Variants in DNAJA1 observed in about 807,000 individuals in gnomAD.
DNAJA1 encodes the protein dnaJ homolog subfamily A member 1.
DNAJA1 carries 26 observed loss-of-function variants against 47.6 expected under a neutral mutation model. That is an observed-to-expected ratio of 0.55 (90% confidence interval 0.40 to 0.76). DNAJA1 has a LOEUF of 0.76. DNAJA1 is among the 30% of genes least tolerant of loss of function. The pLI is 0.00. For missense variants in DNAJA1, 315 were observed against 485.0 expected, an observed-to-expected ratio of 0.65 and a Z score of 3.29; for synonymous variants, 165 against 158.4, an observed-to-expected ratio of 1.04 and a Z score of -0.31.
chr9:33,030,994 T>C lies in DNAJA1; in HGVS notation c.643+327T>C, dbSNP rs910286676. Among the ~76,000 whole-genome samples the C allele has an allele frequency of 2.0e-4, 31 of 152,224 alleles. 1 individual carries two copies. Among genetic ancestry groups the C allele is most frequent in the Non-Finnish European group, 7.3e-5 (5 of 68,044 alleles). ...ATAGTTCTTCCATCTTTTAAAACAT[T>C]AGAATTGTACACATTCTTAATTAGG... On this transcript the variant is annotated intron_variant, in intron 5 of 8. Coordinates refer to ENST00000330899, the MANE Select transcript of DNAJA1 (RefSeq NM_001539.4).
chr9:33,031,057 T>C (rs1243132815), intron 5 of DNAJA1, among the ~76,000 whole-genome samples: 1 of 152,176 alleles, frequency 6.6e-6, no homozygotes, highest in Non-Finnish European at 1.5e-5. Context: ...TTTTAAGGAT[T>C]TGAAAGGGGA....
chr9:33,031,123 TC>T (rs1838955020), intron 5 of DNAJA1, among the ~76,000 whole-genome samples: 1 of 152,208 alleles, frequency 6.6e-6, no homozygotes, highest in Non-Finnish European at 1.5e-5. Context: ...AGACGGAGTT[TC>T]GCTCTTGTTT....
chr9:33,026,605 G>T lies in DNAJA1; in HGVS notation c.121G>T (p.Glu41Ter). Reference sequence around the variant, plus strand: ...GTACCATCCTGATAAGAACCCAAATGAAGGAGAGAAGGTGAATAGTATCTA... The same window carrying T: ...GTACCATCCTGATAAGAACCCAAATTAAGGAGAGAAGGTGAATAGTATCTA... ...LKYHPDKNPN[E>*]GEKFKQISQA... Residue 41 changes from glutamate to a stop codon, truncating the protein, a stop_gained, in exon 2 of 9, where the codon GAA becomes TAA. Transcript: ENST00000330899. LOFTEE classifies it high-confidence loss of function. 1.2e-6 allele frequency: 2 copies of T among 1,603,540 alleles called. No individual in the cohort carries two copies. Among genetic ancestry groups the T allele is most frequent in the South Asian group, 2.3e-5 (2 of 88,440 alleles).
chr9:33,031,025 C>T (rs902427897), intron 5 of DNAJA1, among the ~76,000 whole-genome samples: 1 of 152,166 alleles, frequency 6.6e-6, no homozygotes, highest in Non-Finnish European at 1.5e-5. Flanking sequence ...TTAGGAGTTA[C>T]TAGATCAAGG....
intron 3 of DNAJA1, among the ~76,000 whole-genome samples, chr9:33,028,906 C>G (rs754167395): frequency 3.3e-5 from 5 of 152,162 alleles, no homozygotes; most frequent in Non-Finnish European, 7.4e-5. Context: ...GTTCATTAGG[C>G]ATATTGTACA....
At position 33,039,013 on chromosome 9, in the gene DNAJA1, C is replaced by CT; in HGVS notation, c.*111dup. ...TTGCTCTTGTTTTTGTTTTAATAAA[C>CT]TATAGTAGTGTTTTAAAAAGTTAAA... On this transcript the variant is annotated 3_prime_UTR_variant, in exon 9 of 9. Transcript: ENST00000330899. 9.3e-7 allele frequency: 1 copy of CT among 1,079,186 alleles called. No homozygotes were observed. Among genetic ancestry groups the CT allele is most frequent in the East Asian group, 2.6e-5 (1 of 38,446 alleles). The allele number at this position is 1,079,186 out of a possible 1,614,324, so 66.9% of individuals were successfully genotyped here.
chr9:33,031,004 C>T (rs1303425568), intron 5 of DNAJA1, among the ~76,000 whole-genome samples: 1 of 152,150 alleles, frequency 6.6e-6, no homozygotes, highest in Non-Finnish European at 1.5e-5. Flanking sequence ...TAGAATTGTA[C>T]ACATTCTTAA....
rs752470156 is a variant in DNAJA1, at chr9:33,036,644, A to G, written c.829A>G (p.Ile277Val). ...AGCACTGTGTGGCTTCCAGAAGCCAATATCTACTCTTGACAACCGAACCAT... is the reference window on the plus strand; with the variant it reads ...AGCACTGTGTGGCTTCCAGAAGCCAGTATCTACTCTTGACAACCGAACCAT... ...VEALCGFQKP[I>V]STLDNRTIVI... is the part of the protein sequence containing the mutation. The change falls in exon 7 of 9, where the codon ATA (isoleucine) becomes GTA (valine). Residue 277 changes from isoleucine (I) to valine (V), a missense_variant. Ile to Val is a conservative substitution (Grantham distance 29). Around this residue, in one of 4 missense-constraint regions of DNAJA1, gnomAD observed 162 missense variants for 185.4 expected, o/e 0.87. Coordinates refer to ENST00000330899, the MANE Select transcript of DNAJA1 (RefSeq NM_001539.4). 2.9e-5 allele frequency: 47 copies of G among 1,613,984 alleles called. No homozygotes were observed. Among genetic ancestry groups the G allele is most frequent in the African/African-American group, 1.6e-4 (12 of 74,932 alleles).
chr9:33,028,642 G>C (rs1838912043), intron 3 of DNAJA1, among the ~76,000 whole-genome samples: 1 of 152,166 alleles, frequency 6.6e-6, no homozygotes, highest in South Asian at 2.1e-4. Flanking sequence ...AAGTAGTGGT[G>C]GTTTTTCACT....
In DNAJA1 at chr9:33,038,742, C is replaced by T; in HGVS notation, c.1033C>T (p.Leu345Phe). 1.2e-6 allele frequency: 2 copies of T among 1,614,136 alleles called. No individual in the cohort carries two copies. Reference protein sequence around the residue: ...SPDKLSLLEKLLPERKEVEET... With the variant: ...SPDKLSLLEKFLPERKEVEET... ...TGATAAACTGTCTTTGCTGGAAAAA[C>T]TCCTACCCGAGAGGAAGGAAGTGGA... Residue 345 changes from leucine (L) to phenylalanine (F), a missense_variant, in exon 9 of 9, where the codon CTC (leucine) becomes TTC (phenylalanine). Leu to Phe is a conservative substitution (Grantham distance 22). Around this residue, in one of 4 missense-constraint regions of DNAJA1, gnomAD observed 162 missense variants for 185.4 expected, o/e 0.87. Coordinates refer to ENST00000330899, the MANE Select transcript of DNAJA1 (RefSeq NM_001539.4).
chr9:33,030,015 GT>G, intron 4 of DNAJA1, 26 bp downstream of exon 4: 1 of 1,600,650 alleles, frequency 6.2e-7, no homozygotes, highest in Non-Finnish European at 8.5e-7. Flanking sequence ...GTTTTGTTTT[GT>G]TTTGTTTTTA....
At chr9:33,027,868 C>G (rs867768157) in intron 3 of DNAJA1, among the ~76,000 whole-genome samples, 2 of 151,034 alleles carry the variant, frequency 1.3e-5, no homozygotes, top group Non-Finnish European at 3.0e-5. Flanking sequence ...CCAAAAAAAT[C>G]CAAAAATTAG....
chr9:33,032,223 T>C (rs1250885559), intron 5 of DNAJA1, among the ~76,000 whole-genome samples: 1 of 152,270 alleles, frequency 6.6e-6, no homozygotes, highest in Non-Finnish European at 1.5e-5. Context: ...GATACTGGCC[T>C]CTCTGACCCC....
chr9:33,037,755 A>T (rs1839058333), intron 8 of DNAJA1, among the ~76,000 whole-genome samples: 1 of 152,116 alleles, frequency 6.6e-6, no homozygotes, highest in African/African-American at 2.4e-5. Flanking sequence ...CAAGTTGAGG[A>T]TGGGGTTTTT....
In DNAJA1 at chr9:33,038,778, G is replaced by C; in HGVS notation, c.1069G>C (p.Glu357Gln). ...PERKEVEETDEMDQVELVDFD... is the reference protein window; with the variant it reads ...PERKEVEETDQMDQVELVDFD... ...GAGGAAGGAAGTGGAAGAGACTGAT[G>C]AGATGGACCAAGTAGAACTGGTGGA... Residue 357 changes from glutamate to glutamine, a missense_variant, in exon 9 of 9, where the codon GAG becomes CAG. Transcript: ENST00000330899. The C allele has an allele frequency of 6.2e-6, 10 of 1,614,168 alleles. No individual in the cohort carries two copies. The highest frequency in any genetic ancestry group is 8.5e-6 in the Non-Finnish European group (10 of 1,180,020).
Position 33,030,241 on chromosome 9 carries a change from A to T in DNAJA1, c.416-199A>T, listed in dbSNP as rs150042742. Among the ~76,000 whole-genome samples, 627 of 134,134 alleles carry T rather than the reference A, an allele frequency of 4.7e-3. 6 individuals carry two copies. The highest frequency in any genetic ancestry group is 0.016 in the African/African-American group (599 of 37,606). The allele number at this position is 134,134 out of a possible 152,430, so 88.0% of individuals were successfully genotyped here. ...CTAGTTTGGTATCTTTTTTGTAATA[A>T]GTAAAATTTATTGGAAAGTGTGTTC... On this transcript the variant is annotated intron_variant, in intron 4 of 8. Transcript: ENST00000330899.
intron 1 of DNAJA1, 60 bp from the exon 2 acceptor site, chr9:33,026,415 C>A (rs1403332020): frequency 8.3e-6 from 13 of 1,562,742 alleles, no homozygotes; most frequent in Non-Finnish European, 9.5e-6. Flanking sequence ...GGCCTTAGCT[C>A]TCTTTTTTAT....
chr9:33,028,025 CAAAAAAAA>C (rs144327341), intron 3 of DNAJA1, among the ~76,000 whole-genome samples: 7 of 77,916 alleles, frequency 9.0e-5, no homozygotes, highest in African/African-American at 1.8e-4. Context: ...ACTCTTGTCT[CAAAAAAAA>C]AAAAAAAAAA....
At chr9:33,034,115 C>T (rs1278694753) in intron 5 of DNAJA1, 101 bp from the exon 6 acceptor site, 10 of 774,404 alleles carry the variant, frequency 1.3e-5, no homozygotes, top group Non-Finnish European at 1.8e-5. Flanking sequence ...TTAGTCATTT[C>T]TGTGATTTTT....
Sources: allele counts gnomAD v4.1 joint callset (sites outside exome capture counted in the v4.1 genomes callset), GRCh38; gene constraint gnomAD v4.1.1; regional missense constraint gnomAD v4.1.1; transcripts MANE v1.5; gene names NCBI Gene and HGNC (gene_info 2026-07-23, HGNC 2026-07-21).